The following KRTAP13-3 variants were observed in gnomAD, a reference collection of about 807,000 sequenced individuals.
KRTAP13-3 encodes the protein keratin-associated protein 13-3.
For missense variants in KRTAP13-3, 243 were observed against 202.8 expected (o/e 1.20, Z -1.20); for synonymous variants, 98 against 79.4 (o/e 1.23, Z -1.25).
chr21:30,425,705 A>C (rs1220238671), exon 1 of KRTAP13-3: 1 of 1,613,966 alleles, frequency 6.2e-7, no homozygotes, highest in Non-Finnish European at 8.5e-7. Context: ...GACTCAACAC[A>C]CAATGTCTGA....
chr21:30,425,671 T>C (rs751670222), exon 1 of KRTAP13-3: 4 of 1,614,104 alleles, frequency 2.5e-6, no homozygotes, highest in Non-Finnish European at 3.4e-6. Context: ...CCTGGGGTAG[T>C]AGCAGGAGGT....
chr21:30,425,913 G>A (rs757557608), exon 1 of KRTAP13-3: 8 of 1,607,370 alleles, frequency 5.0e-6, no homozygotes. Context: ...TGTAGGACAT[G>A]TTGACGGGAA....
exon 1 of KRTAP13-3, chr21:30,425,437 T>C (rs367860810): frequency 6.3e-7 from 1 of 1,593,058 alleles, no homozygotes; most frequent in Non-Finnish European, 8.6e-7. Flanking sequence ...ACAAGATGAA[T>C]GGAACCACCT....
At chr21:30,425,498 A>G (rs1364341375) in exon 1 of KRTAP13-3, 5 of 1,613,736 alleles carry the variant, frequency 3.1e-6, no homozygotes, top group Non-Finnish European at 4.2e-6. Context: ...TAACTCTGGG[A>G]AGGGGAGGTA....
exon 1 of KRTAP13-3, chr21:30,425,426 A>T (rs753861012): frequency 1.3e-6 from 2 of 1,583,834 alleles, no homozygotes; most frequent in Non-Finnish European, 8.6e-7. Flanking sequence ...AATGGCTGAT[A>T]ACAAGATGAA....
chr21:30,425,850 G>C, the KRTAP13-3 span: 1 of 1,614,142 alleles, frequency 6.2e-7, no homozygotes, highest in Non-Finnish European at 8.5e-7. Context: ...AGGAGCCTGG[G>C]TAGTGCAAGT....
exon 1 of KRTAP13-3, chr21:30,425,587 G>A (rs1984274266): frequency 6.2e-7 from 1 of 1,614,018 alleles, no homozygotes. Flanking sequence ...ACAGCTCAGG[G>A]AGCAGCAGCT....
chr21:30,425,800 G>C (rs1042384338), exon 1 of KRTAP13-3: 1 of 1,614,226 alleles, frequency 6.2e-7, no homozygotes, highest in African/African-American at 1.3e-5. Context: ...GCAGAGGTCA[G>C]TGCTGTAGAC....
chr21:30,425,456 GA>G, the KRTAP13-3 span: 1 of 1,608,358 alleles, frequency 6.2e-7, no homozygotes, highest in South Asian at 1.1e-5. Flanking sequence ...CTTCTAGGTG[GA>G]AAATAGATTG....
exon 1 of KRTAP13-3, chr21:30,425,879 A>G (rs765131094): frequency 6.2e-7 from 1 of 1,613,766 alleles, no homozygotes; most frequent in Non-Finnish European, 8.5e-7. Context: ...TGGGAGCAGG[A>G]GGAGAAGTTT....
At chr21:30,425,872 G>A in exon 1 of KRTAP13-3, 1 of 1,613,908 alleles carries the variant, frequency 6.2e-7, no homozygotes, top group Non-Finnish European at 8.5e-7. Context: ...ACCCCCGTGG[G>A]AGCAGGAGGA....
At chr21:30,425,583 C>A (rs751723616) in exon 1 of KRTAP13-3, 1 of 1,613,964 alleles carries the variant, frequency 6.2e-7, no homozygotes, top group African/African-American at 1.3e-5. Context: ...ATCCACAGCT[C>A]AGGGAGCAGC....
exon 1 of KRTAP13-3, chr21:30,425,820 G>C: frequency 1.2e-6 from 2 of 1,614,160 alleles, no homozygotes; most frequent in Non-Finnish European, 1.7e-6. Context: ...CCAGGTTGCT[G>C]GGGTAGGAAG....
In KRTAP13-3 at chr21:30,425,614, C is replaced by T. The variant is rs374398797; in HGVS notation, c.299G>A (p.Arg100Gln). 90 of 1,613,986 alleles carry T rather than the reference C, an allele frequency of 5.6e-5. No individual in the cohort carries two copies. The highest frequency in any genetic ancestry group is 4.9e-4 in the African/African-American group (37 of 74,912). ...GCAGCAGCTATTGGATCCAAAACCC[C>T]GAGACCCAACATGCATAGTCAGGCA... The change falls in exon 1 of 1, where the codon CGG becomes CAG. Residue 100 changes from arginine to glutamine, a missense_variant. Transcript: ENST00000390690.
the KRTAP13-3 span, chr21:30,425,427 A>T: frequency 6.3e-7 from 1 of 1,584,438 alleles, no homozygotes; most frequent in Non-Finnish European, 8.6e-7. Context: ...ATGGCTGATA[A>T]CAAGATGAAT....
In KRTAP13-3 at chr21:30,425,632, G is replaced by A. The variant is rs74823159; in HGVS notation, c.281C>T (p.Thr94Ile). The stretch of plus-strand genomic sequence containing the variant: ...AAAACCCCGAGACCCAACATGCATA[G>A]TCAGGCAAGAATTGCAGAGCATGTG... Residue 94 changes from threonine to isoleucine, a missense_variant, in exon 1 of 1, where the codon ACT becomes ATT. Thr to Ile is a moderately conservative substitution (Grantham distance 89, BLOSUM62 -1). Transcript: ENST00000390690. The A allele has an allele frequency of 2.1e-5, 34 of 1,614,210 alleles. No homozygotes were observed. In the East Asian group the frequency reaches 6.5e-4, roughly 31 times the overall value.
At chr21:30,425,472 G>T in the KRTAP13-3 span, 1 of 1,611,426 alleles carries the variant, frequency 6.2e-7, no homozygotes. Flanking sequence ...AGATTGGATG[G>T]CAGAATCTGG....
rs539142694 is a variant in KRTAP13-3, at chr21:30,425,615, G to A, written c.298C>T (p.Arg100Trp). 137 of 1,614,140 alleles carry A rather than the reference G, an allele frequency of 8.5e-5. 3 individuals carry two copies. Among genetic ancestry groups the A allele is most frequent in the South Asian group, 7.0e-4 (64 of 91,086 alleles). Residue 100 changes from arginine (R) to tryptophan (W), a missense_variant, in exon 1 of 1, where the codon CGG becomes TGG. By Grantham distance (101) the Arg-to-Trp change is moderately radical (BLOSUM62 -3). Coordinates refer to ENST00000390690, the Ensembl canonical transcript of KRTAP13-3. ...CAGCAGCTATTGGATCCAAAACCCC[G>A]AGACCCAACATGCATAGTCAGGCAA... is the stretch of plus-strand genomic sequence containing the variant.
At chr21:30,425,819 T>A in exon 1 of KRTAP13-3, 2 of 1,614,112 alleles carry the variant, frequency 1.2e-6, no homozygotes, top group South Asian at 2.2e-5. Context: ...ACCAGGTTGC[T>A]GGGGTAGGAA....
Sources: gnomAD v4.1 joint callset for allele counts on GRCh38, gnomAD v4.1.1 for gene constraint, MANE v1.5 for transcripts, NCBI Gene and HGNC (gene_info 2026-07-23, HGNC 2026-07-21) for gene names.